Variants in CCDC66 observed in about 807,000 individuals in gnomAD.
CCDC66 encodes the protein coiled-coil domain-containing protein 66.
Under a neutral mutation model 128.3 loss-of-function variants are expected in CCDC66, and 133 were observed. The ratio of observed to expected loss-of-function variants is 1.04; its 90% CI spans 0.90 to 1.20. The LOEUF is 1.20. CCDC66 is among the 50% of genes most tolerant of loss of function. The probability of loss-of-function intolerance (pLI) is 0.00; values close to 1 mark genes in which losing one functional copy is unlikely to be tolerated. For missense variants in CCDC66, 1,126 were observed against 1,075.5 expected, an observed-to-expected ratio of 1.05 and a Z score of -0.66; for synonymous variants, 387 against 357.0, an observed-to-expected ratio of 1.08 and a Z score of -0.95.
At chr3:56,595,618 A>G (rs1057475906) in intron 10 of CCDC66, among the ~76,000 whole-genome samples, 2 of 152,204 alleles carry the variant, frequency 1.3e-5, no homozygotes, top group Non-Finnish European at 2.9e-5. Flanking sequence ...CATTGTGTAT[A>G]TACCACATTT....
intron 10 of CCDC66, among the ~76,000 whole-genome samples, chr3:56,598,077 G>A (rs2072432075): frequency 2.0e-5 from 3 of 151,852 alleles, no homozygotes; most frequent in South Asian, 4.1e-4. Flanking sequence ...TGCCAGTGGA[G>A]TCTAGGGTTT....
Position 56,617,449 on chromosome 3 carries a change from A to G in CCDC66, c.2181A>G (p.Arg727=). The G allele has an allele frequency of 1.2e-6, 2 of 1,614,056 alleles. No homozygotes were observed. The highest frequency in any genetic ancestry group is 1.7e-4 in the Middle Eastern group (1 of 6,058). ...ACCCTAAACAGCTTCAAAAGCAGAG[A>G]GAAGAAAAAAAAGTAAGGAGGCAGA... The part of the protein sequence containing the change: ...EKYPKQLQKQ[R]EEKKVRRQME... Residue 727 remains arginine, a synonymous_variant, in exon 14 of 18, where the codon AGA becomes AGG. Coordinates refer to ENST00000394672, the MANE Select transcript of CCDC66 (RefSeq NM_001141947.3).
chr3:56,572,631 G>C (rs2066799612), intron 7 of CCDC66: 1 of 205,112 alleles, frequency 4.9e-6, no homozygotes, highest in Admixed American at 5.8e-5. Context: ...AAATAATGTA[G>C]TAACCTGAAG....
intron 6 of CCDC66, 96 bp downstream of exon 6, chr3:56,567,149 T>C (rs555591656): frequency 3.6e-6 from 3 of 825,764 alleles, no homozygotes; most frequent in East Asian, 5.1e-5. Flanking sequence ...ACCAGCACTT[T>C]GGGAAGCCGA....
intron 10 of CCDC66, among the ~76,000 whole-genome samples, chr3:56,601,324 T>C (rs1367699768): frequency 6.6e-6 from 1 of 152,106 alleles, no homozygotes; most frequent in Non-Finnish European, 1.5e-5. Flanking sequence ...TCTGTTCTAT[T>C]CATCTATATA....
In CCDC66 at chr3:56,607,897, A is replaced by G. The variant is rs191373111; in HGVS notation, c.1405-5692A>G. On this transcript the variant is annotated intron_variant, in intron 10 of 17. Transcript: ENST00000394672. ...TTTTTCTGCATCTATTGAGATGATC[A>G]TGTGATTTTTGTTCTTAATTCTGTT... 4.3e-4 allele frequency among the ~76,000 whole-genome samples: 65 copies of G among 152,294 alleles called. 1 individual carries two copies. In the South Asian group the frequency reaches 5.8e-3, roughly 14 times the overall value.
intron 12 of CCDC66, 187 bp from the exon 13 acceptor site, chr3:56,615,735 G>T: frequency 7.7e-6 from 3 of 391,318 alleles, no homozygotes; most frequent in Admixed American, 4.6e-5. Context: ...TATTTTTACC[G>T]AGAACAATTA....
intron 10 of CCDC66, among the ~76,000 whole-genome samples, chr3:56,608,472 T>G (rs1197779220): frequency 2.0e-5 from 3 of 152,204 alleles, no homozygotes; most frequent in Non-Finnish European, 4.4e-5. Context: ...AGTTGTAATA[T>G]CTCCTGTTTT....
At position 56,562,016 on chromosome 3, in the gene CCDC66, A is replaced by G. The variant is rs148980598; in HGVS notation, c.103-1668A>G. Among the ~76,000 whole-genome samples the G allele has an allele frequency of 4.0e-3, 610 of 151,668 alleles. 7 individuals carry two copies. The highest frequency in any genetic ancestry group is 0.014 in the African/African-American group (569 of 41,374). On this transcript the variant is annotated intron_variant, in intron 3 of 17. Transcript: ENST00000394672. ...GTGGTCAAAGTGCTTTCCTAATTCTATCAAAATCTGTGCATTTTTCTTTTC... is the reference window on the plus strand; with the variant it reads ...GTGGTCAAAGTGCTTTCCTAATTCTGTCAAAATCTGTGCATTTTTCTTTTC...
At chr3:56,606,560 G>C (rs984776511) in intron 10 of CCDC66, among the ~76,000 whole-genome samples, 1 of 151,892 alleles carries the variant, frequency 6.6e-6, no homozygotes, top group Admixed American at 6.6e-5. Flanking sequence ...TGCACTTTCT[G>C]GGTTGAGGTG....
Position 56,619,181 on chromosome 3 carries a change from G to A in CCDC66, c.2379-90G>A, listed in dbSNP as rs998088492. On this transcript the variant is annotated intron_variant, in intron 15 of 17. Coordinates refer to ENST00000394672, the MANE Select transcript of CCDC66 (RefSeq NM_001141947.3). ...TGCACTCCAGCCTGGGCAACAGAGCGAGACTTCATCTCATAAATAAAGTGA... is the reference window on the plus strand; with the variant it reads ...TGCACTCCAGCCTGGGCAACAGAGCAAGACTTCATCTCATAAATAAAGTGA... The A allele has an allele frequency of 5.4e-5, 60 of 1,106,624 alleles. No individual in the cohort carries two copies. In the African/African-American group the frequency reaches 7.5e-4, roughly 14 times the overall value. 68.6% of individuals were successfully genotyped at this position (1,106,624 alleles called of 1,614,324 possible).
intron 7 of CCDC66, among the ~76,000 whole-genome samples, chr3:56,587,805 G>A (rs150732557): frequency 0.049 from 7,502 of 152,224 alleles, 192 homozygotes; most frequent in East Asian, 0.09. Flanking sequence ...GGAGGCAGAG[G>A]TTGCAGTGAG....
At chr3:56,602,400 A>G (rs935528691) in intron 10 of CCDC66, among the ~76,000 whole-genome samples, 9 of 152,062 alleles carry the variant, frequency 5.9e-5, no homozygotes, top group Admixed American at 2.0e-4. Flanking sequence ...TTTTGCATCA[A>G]TGTTCATCAG....
At chr3:56,597,037 G>A (rs2072105248) in intron 10 of CCDC66, among the ~76,000 whole-genome samples, 1 of 151,486 alleles carries the variant, frequency 6.6e-6, no homozygotes, top group Non-Finnish European at 1.5e-5. Flanking sequence ...TAGGATTACA[G>A]GCATGAGCTA....
intron 7 of CCDC66, among the ~76,000 whole-genome samples, chr3:56,577,287 A>C (rs2067540155): frequency 6.6e-6 from 1 of 151,592 alleles, no homozygotes; most frequent in Admixed American, 6.6e-5. Flanking sequence ...TTTTCTTATA[A>C]ATTTGTTTAA....
intron 11 of CCDC66, 35 bp from the exon 12 acceptor site, chr3:56,615,093 A>T: frequency 6.3e-7 from 1 of 1,598,922 alleles, no homozygotes; most frequent in South Asian, 1.1e-5. Context: ...TTGTATGTTT[A>T]ATAGATGAAT....
chr3:56,620,364 T>A (rs541184328), intron 17 of CCDC66: 3 of 153,078 alleles, frequency 2.0e-5, no homozygotes, highest in African/African-American at 7.2e-5. Flanking sequence ...CCATACTACT[T>A]TTTCTCCCAA....
intron 7 of CCDC66, chr3:56,572,571 G>GCCTTCATTTCTTTTTTACATTTA (rs151186908): frequency 0.82 from 197,691 of 239,630 alleles, 82,967 homozygotes; most frequent in Non-Finnish European, 0.9. Context: ...TGCTTCATTT[G>GCCTTCATTTCTTTTTTACATTTA]CTATCCCTTC....
intron 4 of CCDC66, among the ~76,000 whole-genome samples, chr3:56,565,661 G>A (rs1320730928): frequency 1.3e-5 from 2 of 149,274 alleles, no homozygotes; most frequent in Non-Finnish European, 3.0e-5. Flanking sequence ...CCGTTGCCCA[G>A]GCTGGAGTCT....
Sources: allele counts gnomAD v4.1 joint callset (sites outside exome capture counted in the v4.1 genomes callset), GRCh38; gene constraint gnomAD v4.1.1; transcripts MANE v1.5; gene names NCBI Gene and HGNC (gene_info 2026-07-23, HGNC 2026-07-21).